SLC5A11: variants seen among roughly 807,000 people sequenced by gnomAD.
SLC5A11 encodes sodium/myo-inositol cotransporter 2.
In SLC5A11, 48 loss-of-function variants were observed where a neutral mutation model predicts 69.8. That is an observed-to-expected ratio of 0.69 (90% CI 0.55 to 0.87). The LOEUF (loss-of-function observed/expected upper bound fraction) is 0.87. Ranked by LOEUF, SLC5A11 falls within the 40% of genes least tolerant of loss-of-function variation. The pLI is 0.00. For synonymous variants in SLC5A11, 319 were observed against 342.4 expected, an observed-to-expected ratio of 0.93 and a Z score of 0.75; for missense variants, 784 against 866.1, an observed-to-expected ratio of 0.91 and a Z score of 1.19.
chr16:24,908,979 G>A, exon 14 of SLC5A11: 1 of 1,614,114 alleles, frequency 6.2e-7, no homozygotes, highest in Non-Finnish European at 8.5e-7. Flanking sequence ...AGCCAGATGA[G>A]CGCCCGGTCC....
intron 9 of SLC5A11, among the ~76,000 whole-genome samples, chr16:24,894,813 A>G (rs1183624873): frequency 6.7e-6 from 1 of 149,694 alleles, no homozygotes; most frequent in Admixed American, 6.7e-5. Flanking sequence ...AAACAAACAA[A>G]CAAACAAACA....
intron 3 of SLC5A11, among the ~76,000 whole-genome samples, chr16:24,865,475 T>A (rs1386785601): frequency 6.6e-6 from 1 of 152,150 alleles, no homozygotes; most frequent in African/African-American, 2.4e-5. Context: ...GAGAATTGCT[T>A]GAACCTGGGA....
At chr16:24,858,576 T>C (rs2059629190) in intron 1 of SLC5A11, 44 bp from the exon 3 acceptor site, 2 of 1,531,610 alleles carry the variant, frequency 1.3e-6, no homozygotes, top group Non-Finnish European at 1.8e-6. Flanking sequence ...GTGAGAAGAA[T>C]GATGCTAGGA....
intron 1 of SLC5A11, among the ~76,000 whole-genome samples, chr16:24,852,323 T>A (rs533683889): frequency 6.6e-6 from 1 of 152,028 alleles, no homozygotes; most frequent in Admixed American, 6.6e-5. Context: ...GTGTGGAAAT[T>A]TTTCACATCT....
chr16:24,909,172 A>C, intron 14 of SLC5A11, 76 bp downstream of exon 15: 1 of 1,472,502 alleles, frequency 6.8e-7, no homozygotes, highest in Non-Finnish European at 9.4e-7. Flanking sequence ...AACTGACTTA[A>C]GCGAAGGAGA....
At chr16:24,903,733 T>C (rs753683560) in intron 10 of SLC5A11, among the ~76,000 whole-genome samples, 44 of 152,246 alleles carry the variant, frequency 2.9e-4, no homozygotes, top group Non-Finnish European at 3.2e-4. Context: ...TGTATGTATA[T>C]GTACCACATT....
intron 4 of SLC5A11, among the ~76,000 whole-genome samples, chr16:24,870,216 A>G (rs1350790085): frequency 6.8e-6 from 1 of 146,452 alleles, no homozygotes; most frequent in Admixed American, 6.8e-5. Context: ...AACGTGGCGA[A>G]ACCCCGTCTC....
chr16:24,851,961 TC>T (rs2152209846), intron 1 of SLC5A11, among the ~76,000 whole-genome samples: 1 of 147,684 alleles, frequency 6.8e-6, no homozygotes, highest in Non-Finnish European at 1.5e-5. Context: ...GCAGGGAACT[TC>T]CCTTGCTTCT....
At chr16:24,907,813 G>C in intron 12 of SLC5A11, 150 bp from the exon 14 acceptor site, 1 of 915,472 alleles carries the variant, frequency 1.1e-6, no homozygotes. Flanking sequence ...TTGAGCCCAG[G>C]AGTTGGAGGC....
chr16:24,858,366 A>G (rs1002297185), intron 1 of SLC5A11, among the ~76,000 whole-genome samples: 10 of 152,180 alleles, frequency 6.6e-5, no homozygotes, highest in African/African-American at 2.4e-4. Context: ...GCTTCTTTCT[A>G]TTTTGCCAAG....
chr16:24,904,980 C>T (rs1284719382), intron 10 of SLC5A11, among the ~76,000 whole-genome samples: 1 of 151,950 alleles, frequency 6.6e-6, no homozygotes, highest in Non-Finnish European at 1.5e-5. Context: ...TGATGTTCCC[C>T]TCCTTGTGTC....
chr16:24,910,533 ATTTT>A, intron 15 of SLC5A11, 56 bp downstream of exon 16: 2 of 1,327,272 alleles, frequency 1.5e-6, no homozygotes. Flanking sequence ...AAAGGGATTG[ATTTT>A]TTTTTTTTTC....
chr16:24,907,251 G>A (rs2050140913), intron 12 of SLC5A11, 76 bp downstream of exon 13: 1 of 1,540,472 alleles, frequency 6.5e-7, no homozygotes, highest in African/African-American at 1.4e-5. Context: ...TCCAGGTTCA[G>A]CCAGCAACCT....
chr16:24,877,988 C>T (rs1007373271), intron 7 of SLC5A11, among the ~76,000 whole-genome samples: 1 of 150,940 alleles, frequency 6.6e-6, no homozygotes, highest in African/African-American at 2.4e-5. Flanking sequence ...CAGCTCACAA[C>T]TACAACAACA....
At chr16:24,872,325 A>G (rs932953230) in intron 5 of SLC5A11, 106 bp downstream of exon 6, 3 of 1,325,204 alleles carry the variant, frequency 2.3e-6, no homozygotes, top group Admixed American at 1.7e-5. Context: ...GCCCATGGTC[A>G]TGTATTCGAT....
At chr16:24,855,087 C>T (rs937481539) in intron 1 of SLC5A11, among the ~76,000 whole-genome samples, 6 of 152,056 alleles carry the variant, frequency 3.9e-5, no homozygotes, top group Admixed American at 3.3e-4. Context: ...GCCTCAGCCT[C>T]CCAAGGTGGT....
chr16:24,873,155 G>GAAGGA (rs1240522569), intron 5 of SLC5A11, among the ~76,000 whole-genome samples: 2 of 132,412 alleles, frequency 1.5e-5, no homozygotes, highest in African/African-American at 5.6e-5. Flanking sequence ...GGAAAGGAAA[G>GAAGGA]AAGGAAAGGA....
In SLC5A11 at chr16:24,849,370, C is replaced by G. The variant is rs140842108; in HGVS notation, c.-25+2932C>G. Among the ~76,000 whole-genome samples, 1,186 of 151,700 alleles carry G rather than the reference C, an allele frequency of 7.8e-3. 14 individuals carry two copies. Among genetic ancestry groups the G allele is most frequent in the African/African-American group, 0.027 (1,134 of 41,338 alleles). On this transcript the variant is annotated intron_variant, in intron 1 of 15. Transcript: ENST00000347898. Reference sequence around the variant, plus strand: ...ATCACCCGAGGTCAGGAGTTCAAGACAAGCTGGGCAACATGGTGAAACCCC... The same window carrying G: ...ATCACCCGAGGTCAGGAGTTCAAGAGAAGCTGGGCAACATGGTGAAACCCC...
At chr16:24,899,730 G>T (rs1474754578) in intron 10 of SLC5A11, among the ~76,000 whole-genome samples, 8 of 149,998 alleles carry the variant, frequency 5.3e-5, no homozygotes, top group Non-Finnish European at 8.9e-5. Flanking sequence ...TTTTAGGTGG[G>T]TCTCACTCTG....
Sources: gnomAD v4.1 joint callset for allele counts (sites outside exome capture counted in the v4.1 genomes callset) on GRCh38, gnomAD v4.1.1 for gene constraint, MANE v1.5 for transcripts, NCBI Gene and HGNC (gene_info 2026-07-23, HGNC 2026-07-21) for gene names.